Variants in CHSY3 observed in about 807,000 individuals in gnomAD.
CHSY3 encodes the protein N-acetylgalactosaminyl-proteoglycan 3-beta-glucuronosyltransferase 3.
A neutral mutation model predicts 67.2 loss-of-function variants in CHSY3; 35 were observed. The observed-to-expected ratio is 0.52, with a 90% CI of 0.40 to 0.69. The LOEUF (loss-of-function observed/expected upper bound fraction) is 0.69. Among genes scored for constraint, CHSY3 ranks in the 30% least tolerant of loss-of-function variants. The pLI is 0.00. For synonymous variants in CHSY3, 474 were observed against 434.7 expected, an observed-to-expected ratio of 1.09 and a Z score of -1.12; for missense variants, 1,069 against 1,138.5, an observed-to-expected ratio of 0.94 and a Z score of 0.88.
chr5:129,961,562 C>T lies in CHSY3; in HGVS notation c.1086+53202C>T, dbSNP rs1022829718. Among the ~76,000 whole-genome samples, 16 of 152,116 alleles carry T rather than the reference C, an allele frequency of 1.1e-4. 1 individual carries two copies. The highest frequency in any genetic ancestry group is 3.6e-4 in the African/African-American group (15 of 41,524). On this transcript the variant is annotated intron_variant, in intron 2 of 2. Transcript: ENST00000305031. ...TCTGATACCCAAAAGTTCTAAACTG[C>T]TCCAGGCTTTCCACACCTTTTGTTT...
intron 2 of CHSY3, among the ~76,000 whole-genome samples, chr5:129,944,920 G>GT (rs568923343): frequency 1.3e-3 from 192 of 152,212 alleles, no homozygotes; most frequent in African/African-American, 4.5e-3. Context: ...AAATAAGTGA[G>GT]TTTTTTGTTT....
At chr5:130,157,679 T>C (rs568419614) in intron 2 of CHSY3, among the ~76,000 whole-genome samples, 2 of 152,376 alleles carry the variant, frequency 1.3e-5, no homozygotes, top group African/African-American at 4.8e-5. Context: ...AGAGGGTTCC[T>C]GGATTTCGAG....
rs567578583 is a variant in CHSY3 at position 130,184,698 on chromosome 5, T to A, written c.1556T>A (p.Phe519Tyr). The change falls in exon 3 of 3, where the codon TTC becomes TAC. Residue 519 changes from phenylalanine to tyrosine, a missense_variant. Physicochemically the swap from Phe to Tyr is conservative, Grantham distance 22. Around this residue, in one of 5 missense-constraint regions of CHSY3, gnomAD observed 401 missense variants for 395.2 expected, o/e 1.01. Transcript: ENST00000305031. The stretch of plus-strand genomic sequence containing the variant: ...AAGAGCAGAGGACGGCTCATTGACT[T>A]CAAGGAAATTCAGTATGGCTACCGC... The part of the protein sequence containing the change: ...NAKSRGRLID[F>Y]KEIQYGYRRV... The A allele has an allele frequency of 6.8e-6, 11 of 1,610,394 alleles. No individual in the cohort carries two copies. The African/African-American group carries it at 1.1e-4, about 16-fold the overall frequency.
chr5:130,008,331 G>T (rs1763937308), intron 2 of CHSY3, among the ~76,000 whole-genome samples: 1 of 152,136 alleles, frequency 6.6e-6, no homozygotes, highest in Non-Finnish European at 1.5e-5. Context: ...CAGCACCTAG[G>T]GTTAGAGCAT....
chr5:130,049,621 G>A (rs60912330), intron 2 of CHSY3, among the ~76,000 whole-genome samples: 4,687 of 152,124 alleles, frequency 0.031, 228 homozygotes, highest in African/African-American at 0.11. Context: ...AACTGGCAAA[G>A]TATGAAGATA....
Position 130,149,013 on chromosome 5 carries a change from T to C in CHSY3, c.1087-35216T>C, listed in dbSNP as rs193080636. Among the ~76,000 whole-genome samples, 484 of 152,272 alleles carry C rather than the reference T, an allele frequency of 3.2e-3. 3 individuals are homozygous for C. The highest frequency in any genetic ancestry group is 0.011 in the African/African-American group (469 of 41,552). The stretch of plus-strand genomic sequence containing the variant: ...GTGTTGCCTAGGTTACCTTCCAAGG[T>C]TTTTATAGTTTTGTGTTTTACATTT... On this transcript the variant is annotated intron_variant, in intron 2 of 2. Transcript: ENST00000305031.
At chr5:130,129,980 G>A (rs773870067) in intron 2 of CHSY3, among the ~76,000 whole-genome samples, 36 of 152,148 alleles carry the variant, frequency 2.4e-4, no homozygotes, top group Middle Eastern at 3.4e-3. Flanking sequence ...GGAAAATATC[G>A]TTACAATTAT....
At chr5:130,077,348 T>G (rs1222044735) in intron 2 of CHSY3, among the ~76,000 whole-genome samples, 2 of 152,088 alleles carry the variant, frequency 1.3e-5, no homozygotes, top group Non-Finnish European at 2.9e-5. Context: ...CCTTTTAATT[T>G]GAAGTACCTG....
chr5:129,921,724 G>T (rs1760931043), intron 2 of CHSY3, among the ~76,000 whole-genome samples: 2 of 152,072 alleles, frequency 1.3e-5, no homozygotes, highest in Non-Finnish European at 1.5e-5. Context: ...TGTATGGTAT[G>T]TGTTGTATAT....
At chr5:129,939,365 G>T (rs1377519785) in intron 2 of CHSY3, among the ~76,000 whole-genome samples, 3 of 152,130 alleles carry the variant, frequency 2.0e-5, no homozygotes, top group African/African-American at 7.2e-5. Flanking sequence ...TAATCATTCT[G>T]TGGAGCTTTA....
rs1760273871 is a variant in CHSY3, at chr5:129,905,890, C to T, written c.802+259C>T. ...TCACTTGCTGTTTTCGGTGCCGCCT[C>T]GCGCTTGTCCCTTAGTCTTTACCTC... On this transcript the variant is annotated intron_variant, in intron 1 of 2. Transcript: ENST00000305031. 6.7e-6 allele frequency: 5 copies of T among 748,242 alleles called. No homozygotes were observed. In the South Asian group the frequency reaches 9.4e-5, roughly 14 times the overall value. The allele number at this position is 748,242 out of a possible 1,614,324, so 46.4% of individuals were successfully genotyped here.
At chr5:130,016,494 C>T (rs1764222965) in intron 2 of CHSY3, among the ~76,000 whole-genome samples, 1 of 151,784 alleles carries the variant, frequency 6.6e-6, no homozygotes, top group Non-Finnish European at 1.5e-5. Flanking sequence ...TCAGTGCAAC[C>T]TGAGCTTCCA....
chr5:130,183,546 T>C (rs1050483905), intron 2 of CHSY3, among the ~76,000 whole-genome samples: 1 of 152,218 alleles, frequency 6.6e-6, no homozygotes, highest in African/African-American at 2.4e-5. Flanking sequence ...AGACTCATGC[T>C]GTGTCCATTC....
chr5:130,156,604 C>T lies in CHSY3; in HGVS notation c.1087-27625C>T, dbSNP rs115537161. ...CACCAGCCTGGGAGTTCAAACATAT[C>T]ATGCTCTCTGAGCATCAACACCCTT... On this transcript the variant is annotated intron_variant, in intron 2 of 2. Coordinates refer to ENST00000305031, the MANE Select transcript of CHSY3 (RefSeq NM_175856.5). 9.7e-3 allele frequency among the ~76,000 whole-genome samples: 1,479 copies of T among 152,302 alleles called. 29 individuals carry two copies. The highest frequency in any genetic ancestry group is 0.034 in the African/African-American group (1,406 of 41,564).
intron 2 of CHSY3, among the ~76,000 whole-genome samples, chr5:130,042,760 A>G (rs760419550): frequency 3.9e-5 from 6 of 152,126 alleles, no homozygotes; most frequent in Non-Finnish European, 8.8e-5. Context: ...CTCACTCTTC[A>G]TATAGGAAAT....
At chr5:130,011,520 C>T (rs1272402085) in intron 2 of CHSY3, among the ~76,000 whole-genome samples, 3 of 152,162 alleles carry the variant, frequency 2.0e-5, no homozygotes, top group Non-Finnish European at 4.4e-5. Context: ...CAACATCATA[C>T]TGAATGGGCA....
At chr5:130,067,408 A>C (rs567545074) in intron 2 of CHSY3, among the ~76,000 whole-genome samples, 1 of 152,170 alleles carries the variant, frequency 6.6e-6, no homozygotes, top group African/African-American at 2.4e-5. Context: ...TGTGCACTCA[A>C]ATATTTTCTA....
intron 2 of CHSY3, among the ~76,000 whole-genome samples, chr5:130,148,554 C>T (rs1463548321): frequency 1.3e-5 from 2 of 152,070 alleles, no homozygotes. Flanking sequence ...CTGGCCAGCA[C>T]CTCTCATTTT....
intron 2 of CHSY3, among the ~76,000 whole-genome samples, chr5:130,119,164 G>A (rs1767922668): frequency 6.6e-6 from 1 of 152,132 alleles, no homozygotes; most frequent in South Asian, 2.1e-4. Flanking sequence ...GTGCAGAGAG[G>A]ATATATAGTA....
Sources: gnomAD v4.1 joint callset for allele counts (sites outside exome capture counted in the v4.1 genomes callset) on GRCh38, gnomAD v4.1.1 for gene constraint, gnomAD v4.1.1 regional missense constraint, MANE v1.5 for transcripts, NCBI Gene and HGNC (gene_info 2026-07-23, HGNC 2026-07-21) for gene names.